Variants in RELN observed in about 807,000 individuals in gnomAD.
RELN encodes reelin.
RELN carries 108 observed loss-of-function variants against 427.6 expected under a neutral mutation model. The observed-to-expected ratio is 0.25, with a 90% CI of 0.22 to 0.30. RELN has a LOEUF of 0.30. Among genes scored for constraint, RELN ranks in the 10% least tolerant of loss-of-function variants. RELN has a pLI of 1.00. For missense variants in RELN, 3,715 were observed against 4,302.8 expected (o/e 0.86, Z 3.82); for synonymous variants, 1,524 against 1,513.4 (o/e 1.01, Z -0.16).
chr7:103,511,780 G>T (rs1404897538), intron 50 of RELN, among the ~76,000 whole-genome samples: 1 of 152,050 alleles, frequency 6.6e-6, no homozygotes, highest in African/African-American at 2.4e-5. Context: ...GGAGTTCAGG[G>T]CTGCAGTGAT....
At chr7:103,925,862 T>C (rs774802543) in intron 1 of RELN, among the ~76,000 whole-genome samples, 9 of 152,132 alleles carry the variant, frequency 5.9e-5, no homozygotes, top group Non-Finnish European at 1.3e-4. Flanking sequence ...TACAATAAAA[T>C]ACACGGATGC....
At position 103,641,668 on chromosome 7, in the gene RELN, T is replaced by A. The variant is rs190578612; in HGVS notation, c.2003-1059A>T. 1.3e-4 allele frequency among the ~76,000 whole-genome samples: 20 copies of A among 152,274 alleles called. No homozygotes were observed. The East Asian group carries it at 3.7e-3, about 28-fold the overall frequency. On this transcript the variant is annotated intron_variant, in intron 16 of 64. Transcript: ENST00000428762. ...AATAATACTCCTTGGAGGAAATAAT[T>A]AAAGAAACATATTATGCTTAGCATG...
rs1199920125 is a variant in RELN at position 103,483,900 on chromosome 7, G to C, written c.9984-50C>G. The C allele has an allele frequency of 1.9e-6, 3 of 1,545,950 alleles. No homozygotes were observed. In the African/African-American group the frequency reaches 4.1e-5, roughly 21 times the overall value. ...TTATTTTTATTTATTTATTTTTTGA[G>C]ATGGAGTCTTGCTCTGTCACCCAGG... On this transcript the variant is annotated intron_variant, in intron 61 of 64. Coordinates refer to ENST00000428762, the MANE Select transcript of RELN (RefSeq NM_005045.4).
At chr7:103,523,244 T>C in intron 47 of RELN, 147 bp downstream of exon 47, 2 of 858,820 alleles carry the variant, frequency 2.3e-6, no homozygotes, top group Middle Eastern at 2.4e-4. Flanking sequence ...ATCCATCAAC[T>C]TCACAGTTAG....
At chr7:103,702,728 C>G (rs1026833309) in intron 8 of RELN, among the ~76,000 whole-genome samples, 2 of 152,216 alleles carry the variant, frequency 1.3e-5, no homozygotes, top group African/African-American at 4.8e-5. Flanking sequence ...GAATGCATCT[C>G]TTCCTTGACA....
intron 3 of RELN, among the ~76,000 whole-genome samples, chr7:103,782,221 T>TA (rs1308641937): frequency 2.0e-5 from 3 of 152,162 alleles, no homozygotes; most frequent in Admixed American, 6.5e-5. Flanking sequence ...TGTCATGATT[T>TA]AAAAAAAGCC....
intron 2 of RELN, among the ~76,000 whole-genome samples, chr7:103,847,610 C>T (rs1584293216): frequency 6.6e-6 from 1 of 152,132 alleles, no homozygotes; most frequent in Admixed American, 6.6e-5. Context: ...ATAGGTCAAA[C>T]TTGGCATTTC....
At chr7:103,786,236 G>A (rs910068557) in intron 3 of RELN, among the ~76,000 whole-genome samples, 1 of 151,674 alleles carries the variant, frequency 6.6e-6, no homozygotes, top group Non-Finnish European at 1.5e-5. Context: ...TCATACTAAG[G>A]AGAGATAATC....
At chr7:103,772,881 G>A (rs1318731276) in intron 4 of RELN, among the ~76,000 whole-genome samples, 1 of 152,158 alleles carries the variant, frequency 6.6e-6, no homozygotes, top group Non-Finnish European at 1.5e-5. Flanking sequence ...ACAAACTATT[G>A]CTTCCAATTG....
chr7:103,625,681 T>C (rs982360922), intron 20 of RELN, among the ~76,000 whole-genome samples: 1 of 149,610 alleles, frequency 6.7e-6, no homozygotes, highest in African/African-American at 2.4e-5. Context: ...GTATCCCCCC[T>C]TTTTTTAGAA....
chr7:103,505,681 C>T (rs753992291), intron 51 of RELN, among the ~76,000 whole-genome samples: 50 of 152,296 alleles, frequency 3.3e-4, no homozygotes, highest in Non-Finnish European at 4.4e-4. Flanking sequence ...GCCTCTTCTC[C>T]TCCAAAGGAT....
intron 63 of RELN, among the ~76,000 whole-genome samples, chr7:103,482,446 C>T (rs564943727): frequency 8.5e-5 from 13 of 152,310 alleles, no homozygotes; most frequent in Non-Finnish European, 1.6e-4. Context: ...GTTGCAACCA[C>T]ATCATTCAAT....
intron 4 of RELN, among the ~76,000 whole-genome samples, chr7:103,754,617 A>C (rs1434054941): frequency 6.6e-6 from 1 of 151,706 alleles, no homozygotes; most frequent in Non-Finnish European, 1.5e-5. Flanking sequence ...TCTAAAAAAA[A>C]CATTAAAAAT....
chr7:103,523,585 T>TTGAA, intron 46 of RELN, 54 bp from the exon 47 acceptor site: 1 of 1,594,882 alleles, frequency 6.3e-7, no homozygotes, highest in Non-Finnish European at 8.6e-7. Flanking sequence ...GAAAATGTGT[T>TTGAA]CCAGTATGTT....
In RELN at chr7:103,561,973, A is replaced by C. The variant is rs753158036; in HGVS notation, c.5211-20T>G. 1.9e-6 allele frequency: 3 copies of C among 1,604,894 alleles called. No homozygotes were observed. The highest frequency in any genetic ancestry group is 2.6e-6 in the Non-Finnish European group (3 of 1,175,084). On this transcript the variant is annotated intron_variant, in intron 34 of 64. Transcript: ENST00000428762. ...GGAGAACTAACCAAAAAAAAAAAAA[A>C]AAAAACACACCACTGGTTTGACAAG...
chr7:103,795,485 A>C (rs927119891), intron 3 of RELN, among the ~76,000 whole-genome samples: 34 of 152,246 alleles, frequency 2.2e-4, no homozygotes, highest in Admixed American at 2.2e-3. Context: ...CCAAAACTGT[A>C]ACAAAAAAGC....
At chr7:103,653,927 T>A (rs1832973931) in intron 13 of RELN, among the ~76,000 whole-genome samples, 166 bp downstream of exon 13, 1 of 151,966 alleles carries the variant, frequency 6.6e-6, no homozygotes. Context: ...TAGGAAAAAA[T>A]ATGAAGGTTA....
At chr7:103,981,215 T>A (rs1796985650) in intron 1 of RELN, among the ~76,000 whole-genome samples, 1 of 152,220 alleles carries the variant, frequency 6.6e-6, no homozygotes, top group Non-Finnish European at 1.5e-5. Flanking sequence ...ATGTTTTAAA[T>A]GTCAACAGGA....
At chr7:103,816,341 T>C (rs1289771544) in intron 3 of RELN, among the ~76,000 whole-genome samples, 1 of 152,160 alleles carries the variant, frequency 6.6e-6, no homozygotes, top group East Asian at 1.9e-4. Flanking sequence ...ATCGTGCCAC[T>C]GCACTCCAGC....
Sources: allele counts gnomAD v4.1 joint callset (sites outside exome capture counted in the v4.1 genomes callset), GRCh38; gene constraint gnomAD v4.1.1; transcripts MANE v1.5; gene names NCBI Gene and HGNC (gene_info 2026-07-23, HGNC 2026-07-21).